VAMP7: variants seen among roughly 807,000 people sequenced by gnomAD.
VAMP7 encodes vesicle-associated membrane protein 7.
Under a neutral mutation model 29.6 loss-of-function variants are expected in VAMP7, and 14 were observed. That is an observed-to-expected ratio of 0.47 (90% CI 0.31 to 0.74). VAMP7 has a LOEUF of 0.74. VAMP7 is among the 30% of genes least tolerant of loss of function. The pLI is 0.05. For missense variants in VAMP7, 223 were observed against 262.4 expected (o/e 0.85, Z 1.04); for synonymous variants, 95 against 88.1 (o/e 1.08, Z -0.44).
chrX:155,894,234 ACTG>A (rs2065958186), intron 2 of VAMP7, among the ~76,000 whole-genome samples: 1 of 146,460 alleles, frequency 6.8e-6, no homozygotes. Context: ...TACCCGGTAT[ACTG>A]CAGTAGTCTC....
chrX:155,890,602 TC>T lies in VAMP7; in HGVS notation c.146+991del, dbSNP rs201387384. Among the ~76,000 whole-genome samples the T allele has an allele frequency of 7.9e-3, 1,208 of 152,138 alleles. 60 individuals are homozygous for T. In the East Asian group the frequency reaches 0.14, roughly 17 times the overall value. On this transcript the variant is annotated intron_variant, in intron 2 of 7. Coordinates refer to ENST00000286448, the MANE Select transcript of VAMP7 (RefSeq NM_005638.6). Reference sequence around the variant, plus strand: ...TCTCAAGCTCCTGACCTCAGGTGATTCGCCTGCCTTGGCCTCCCAAAGCGTT... The same window carrying T: ...TCTCAAGCTCCTGACCTCAGGTGATTGCCTGCCTTGGCCTCCCAAAGCGTT...
chrX:155,924,242 C>A (rs1280435669), intron 6 of VAMP7, among the ~76,000 whole-genome samples: 2 of 152,064 alleles, frequency 1.3e-5, no homozygotes, highest in Admixed American at 1.3e-4. Flanking sequence ...AAAGGGTACA[C>A]TTCAGTGGAA....
chrX:155,888,401 A>G (rs1222791545), intron 1 of VAMP7, among the ~76,000 whole-genome samples: 4 of 152,168 alleles, frequency 2.6e-5, no homozygotes, highest in African/African-American at 9.7e-5. Flanking sequence ...ATTTTTAGCA[A>G]ATGACTCATA....
intron 5 of VAMP7, among the ~76,000 whole-genome samples, chrX:155,917,717 A>T (rs2066333812): frequency 6.6e-6 from 1 of 152,042 alleles, no homozygotes. Flanking sequence ...TGCCAGCCAG[A>T]GCTCTCCTGT....
chrX:155,895,351 A>G (rs2065973498), intron 2 of VAMP7, among the ~76,000 whole-genome samples: 1 of 152,168 alleles, frequency 6.6e-6, no homozygotes, highest in South Asian at 2.1e-4. Flanking sequence ...TTAAGAGTCC[A>G]ATTATGCTTT....
intron 2 of VAMP7, among the ~76,000 whole-genome samples, chrX:155,890,468 C>T (rs987050782): frequency 1.3e-5 from 2 of 152,102 alleles, no homozygotes; most frequent in Non-Finnish European, 2.9e-5. Context: ...TCAGATGATT[C>T]TCGTGCCTTA....
At chrX:155,924,177 G>T in intron 6 of VAMP7, among the ~76,000 whole-genome samples, 1 of 152,012 alleles carries the variant, frequency 6.6e-6, no homozygotes, top group South Asian at 2.1e-4. Context: ...ATCTCTATTT[G>T]TTTTTTAACA....
chrX:155,900,380 A>T, intron 4 of VAMP7, 117 bp from the exon 5 acceptor site: 1 of 766,230 alleles, frequency 1.3e-6, no homozygotes, highest in Non-Finnish European at 2.1e-6. Flanking sequence ...TATCTTTTAT[A>T]TCAATAGAGA....
intron 5 of VAMP7, among the ~76,000 whole-genome samples, chrX:155,909,330 C>T (rs2124310949): frequency 6.6e-6 from 1 of 152,220 alleles, no homozygotes; most frequent in African/African-American, 2.4e-5. Context: ...GATGTCTCCT[C>T]TTTCATTTCT....
At chrX:155,900,899 C>T (rs1312791095) in intron 5 of VAMP7, among the ~76,000 whole-genome samples, 2 of 152,034 alleles carry the variant, frequency 1.3e-5, no homozygotes, top group Non-Finnish European at 2.9e-5. Flanking sequence ...TAATGTATCA[C>T]GGGTTACCTA....
At chrX:155,917,163 T>C (rs1286872146) in intron 5 of VAMP7, among the ~76,000 whole-genome samples, 2 of 152,206 alleles carry the variant, frequency 1.3e-5, no homozygotes, top group East Asian at 1.9e-4. Flanking sequence ...ATTGATACTT[T>C]TGTATGCTTC....
intron 5 of VAMP7, among the ~76,000 whole-genome samples, chrX:155,901,607 A>G (rs1024883855): frequency 1.3e-5 from 2 of 152,158 alleles, no homozygotes; most frequent in Non-Finnish European, 2.9e-5. Context: ...CAGTTTTCCC[A>G]GCACCATTTA....
intron 1 of VAMP7, among the ~76,000 whole-genome samples, chrX:155,884,539 G>A (rs1330813361): frequency 6.6e-6 from 1 of 152,198 alleles, no homozygotes; most frequent in African/African-American, 2.4e-5. Flanking sequence ...GAGTGCTTGA[G>A]TCATGACTGT....
intron 6 of VAMP7, among the ~76,000 whole-genome samples, chrX:155,927,759 A>G (rs1297279802): frequency 2.4e-5 from 3 of 126,574 alleles, no homozygotes; most frequent in Non-Finnish European, 3.2e-5. Context: ...GTTTTTCACA[A>G]TGGCAGTTTT....
At chrX:155,935,701 C>T (rs182819416) in intron 6 of VAMP7, among the ~76,000 whole-genome samples, 7 of 152,270 alleles carry the variant, frequency 4.6e-5, no homozygotes, top group African/African-American at 2.4e-5. Context: ...TTTCTCAACT[C>T]GTCAAAGTCA....
chrX:155,888,621 TA>T (rs1308428871), intron 1 of VAMP7, among the ~76,000 whole-genome samples: 1 of 152,184 alleles, frequency 6.6e-6, no homozygotes, highest in African/African-American at 2.4e-5. Flanking sequence ...TAGGCAGACA[TA>T]AGGAAAATAA....
At chrX:155,892,290 C>T (rs1360183606) in intron 2 of VAMP7, among the ~76,000 whole-genome samples, 3 of 151,990 alleles carry the variant, frequency 2.0e-5, no homozygotes, top group African/African-American at 7.3e-5. Flanking sequence ...AGGTCCCAAG[C>T]GAAATACTTT....
intron 5 of VAMP7, among the ~76,000 whole-genome samples, chrX:155,910,348 T>G (rs988203569): frequency 2.0e-5 from 3 of 152,222 alleles, no homozygotes; most frequent in Non-Finnish European, 4.4e-5. Context: ...TCTTTATCCA[T>G]TCATCCATTC....
intron 1 of VAMP7, among the ~76,000 whole-genome samples, chrX:155,881,782 T>G (rs2124201672): frequency 6.6e-6 from 1 of 152,264 alleles, no homozygotes; most frequent in African/African-American, 2.4e-5. Context: ...TTCTAAAAAC[T>G]CTCTACGTCC....
Sources: allele counts gnomAD v4.1 joint callset (sites outside exome capture counted in the v4.1 genomes callset), GRCh38; gene constraint gnomAD v4.1.1; transcripts MANE v1.5; gene names NCBI Gene and HGNC (gene_info 2026-07-23, HGNC 2026-07-21).